The following NUTF2 variants were observed in gnomAD, a reference collection of about 807,000 sequenced individuals.
The protein encoded by NUTF2 is placental protein 15.
NUTF2 carries 3 observed loss-of-function variants against 18.5 expected under a neutral mutation model. That is an observed-to-expected ratio of 0.16 (90% CI 0.07 to 0.42). The LOEUF (loss-of-function observed/expected upper bound fraction) is 0.42, where lower values mean the gene tolerates loss of function less well. Among genes scored for constraint, NUTF2 ranks in the 10% least tolerant of loss-of-function variants. The pLI, the probability that NUTF2 is intolerant of heterozygous loss-of-function variation, is 0.99. For synonymous variants in NUTF2, 51 were observed against 57.9 expected (o/e 0.88, Z 0.54); for missense variants, 44 against 160.7 (o/e 0.27, Z 3.93).
In NUTF2 at chr16:67,856,059, T is replaced by G. The variant is rs539378322; in HGVS notation, c.-29-9043T>G. 1.1e-5 allele frequency: 8 copies of G among 704,248 alleles called. No homozygotes were observed. The African/African-American group carries it at 1.2e-4, about 11-fold the overall frequency. 43.6% of individuals were successfully genotyped at this position (704,248 alleles called of 1,614,324 possible). ...GGCCGGCACTCACCCACTGTTACGATGTGGCCAATCTGGACGTCCCTGAAG... is the reference window on the plus strand; with the variant it reads ...GGCCGGCACTCACCCACTGTTACGAGGTGGCCAATCTGGACGTCCCTGAAG... On this transcript the variant is annotated intron_variant, in intron 1 of 4. Coordinates refer to ENST00000219169, the MANE Select transcript of NUTF2 (RefSeq NM_005796.3).
intron 1 of NUTF2, among the ~76,000 whole-genome samples, chr16:67,851,965 G>C (rs2057862437): frequency 6.6e-6 from 1 of 152,058 alleles, no homozygotes; most frequent in South Asian, 2.1e-4. Context: ...GCAGTGAGCT[G>C]AGACTGTGCC....
At chr16:67,864,661 T>G (rs2057958173) in intron 1 of NUTF2, among the ~76,000 whole-genome samples, 1 of 152,090 alleles carries the variant, frequency 6.6e-6, no homozygotes, top group Non-Finnish European at 1.5e-5. Context: ...TATCAGTTGT[T>G]CTTGGCTGTA....
At chr16:67,867,888 A>G (rs1274336691) in intron 2 of NUTF2, among the ~76,000 whole-genome samples, 2 of 151,966 alleles carry the variant, frequency 1.3e-5, no homozygotes, top group African/African-American at 2.4e-5. Context: ...GGGTTTCACC[A>G]TGTTGGTCAG....
intron 2 of NUTF2, among the ~76,000 whole-genome samples, chr16:67,865,980 C>A (rs1038668373): frequency 2.0e-5 from 3 of 152,092 alleles, no homozygotes; most frequent in Non-Finnish European, 4.4e-5. Flanking sequence ...GGCCTTCCAA[C>A]GTGCTGGGAT....
At chr16:67,848,763 A>G (rs970278933) in intron 1 of NUTF2, among the ~76,000 whole-genome samples, 3 of 151,854 alleles carry the variant, frequency 2.0e-5, no homozygotes, top group African/African-American at 7.3e-5. Flanking sequence ...AAAAGAAAAA[A>G]AAAAAAAGCA....
At chr16:67,853,566 C>A (rs1394192815) in intron 1 of NUTF2, among the ~76,000 whole-genome samples, 7 of 152,092 alleles carry the variant, frequency 4.6e-5, no homozygotes, top group Non-Finnish European at 1.0e-4. Context: ...TCATATTGGC[C>A]AGGCTGGTCT....
rs753792819 is a variant in NUTF2, at chr16:67,851,764, C to A, written c.-30+4779C>A. Among the ~76,000 whole-genome samples, 8 of 152,050 alleles carry A rather than the reference C, an allele frequency of 5.3e-5. 1 individual carries two copies. The highest frequency in any genetic ancestry group is 4.1e-4 in the South Asian group (2 of 4,830). On this transcript the variant is annotated intron_variant, in intron 1 of 4. Transcript: ENST00000219169. ...GGCGCAGTGGCTCACGCCTGTAATCCCAGCACTTTGGGAGGCTGAGGTGGG... is the reference window on the plus strand; with the variant it reads ...GGCGCAGTGGCTCACGCCTGTAATCACAGCACTTTGGGAGGCTGAGGTGGG...
intron 2 of NUTF2, among the ~76,000 whole-genome samples, chr16:67,867,645 C>T (rs891522944): frequency 6.6e-6 from 1 of 151,994 alleles, no homozygotes; most frequent in Non-Finnish European, 1.5e-5. Flanking sequence ...AACTTAGCCT[C>T]GGCCCTGGAG....
chr16:67,865,416 T>G (rs1449062744), intron 2 of NUTF2, among the ~76,000 whole-genome samples, 187 bp downstream of exon 2: 1 of 152,214 alleles, frequency 6.6e-6, no homozygotes, highest in Non-Finnish European at 1.5e-5. Context: ...ACTTTTCCTT[T>G]TGTCAACTTC....
At chr16:67,857,931 C>T (rs753752461) in intron 1 of NUTF2, among the ~76,000 whole-genome samples, 14 of 152,350 alleles carry the variant, frequency 9.2e-5, no homozygotes, top group Admixed American at 4.6e-4. Flanking sequence ...AGAACTTACT[C>T]CTCCTCCAGA....
intron 1 of NUTF2, chr16:67,856,171 G>GTT: frequency 5.7e-6 from 2 of 350,456 alleles, no homozygotes; most frequent in Non-Finnish European, 1.1e-5. Flanking sequence ...GCTCTCAGCT[G>GTT]TTTGCATCTC....
chr16:67,855,892 G>GGT (rs2057892895), intron 1 of NUTF2: 1 of 441,802 alleles, frequency 2.3e-6, no homozygotes, highest in Non-Finnish European at 4.1e-6. Flanking sequence ...TTTGGCGGGG[G>GGT]GGGGGGATGG....
intron 2 of NUTF2, 130 bp from the exon 3 acceptor site, chr16:67,868,210 C>T: frequency 1.3e-6 from 1 of 741,154 alleles, no homozygotes; most frequent in Non-Finnish European, 2.2e-6. Flanking sequence ...ACTCAGTCTC[C>T]TTCTTTAGAC....
At chr16:67,850,428 G>A (rs1184593887) in intron 1 of NUTF2, among the ~76,000 whole-genome samples, 1 of 151,502 alleles carries the variant, frequency 6.6e-6, no homozygotes. Flanking sequence ...GGATGGTCTC[G>A]ATCTCCTGAC....
intron 2 of NUTF2, among the ~76,000 whole-genome samples, chr16:67,866,724 C>T (rs1423505554): frequency 6.6e-6 from 1 of 152,096 alleles, no homozygotes; most frequent in East Asian, 1.9e-4. Context: ...GCCTCAGCTT[C>T]CCAAAGTGCT....
At position 67,868,412 on chromosome 16, in the gene NUTF2, G is replaced by C; in HGVS notation, c.171+1G>C. 6.2e-7 allele frequency: 1 copy of C among 1,614,164 alleles called. No individual in the cohort carries two copies. The highest frequency in any genetic ancestry group is 1.3e-5 in the African/African-American group (1 of 75,030). ...AGCTGCCATTGTGGAGAAGTTGTCT[G>C]TAAGTAGGGAAGAAAGCCAGGGTGC... is the stretch of plus-strand genomic sequence containing the variant. On this transcript the variant is annotated splice_donor_variant, in intron 3 of 4. Coordinates refer to ENST00000219169, the MANE Select transcript of NUTF2 (RefSeq NM_005796.3). LOFTEE classifies it high-confidence loss of function.
chr16:67,863,747 G>A (rs1219874492), intron 1 of NUTF2, among the ~76,000 whole-genome samples: 1 of 152,228 alleles, frequency 6.6e-6, no homozygotes, highest in African/African-American at 2.4e-5. Flanking sequence ...GACAGAGGGA[G>A]TGGGCTCCTC....
intron 1 of NUTF2, among the ~76,000 whole-genome samples, chr16:67,862,319 A>C (rs1316368503): frequency 6.6e-6 from 1 of 152,136 alleles, no homozygotes; most frequent in Admixed American, 6.5e-5. Flanking sequence ...TGTTGTGATC[A>C]CTACTTGGAA....
chr16:67,866,104 A>C (rs1315949059), intron 2 of NUTF2, among the ~76,000 whole-genome samples: 1 of 152,154 alleles, frequency 6.6e-6, no homozygotes, highest in African/African-American at 2.4e-5. Flanking sequence ...AATGTGATTG[A>C]TCAGGCAGGT....
Sources: allele counts gnomAD v4.1 joint callset (sites outside exome capture counted in the v4.1 genomes callset), GRCh38; gene constraint gnomAD v4.1.1; transcripts MANE v1.5; gene names NCBI Gene and HGNC (gene_info 2026-07-23, HGNC 2026-07-21).